Variants in SPAG9 observed in about 807,000 individuals in gnomAD.
SPAG9 encodes the protein sperm associated antigen 9, also known as C-Jun-amino-terminal kinase-interacting protein 4.
SPAG9 carries 35 observed loss-of-function variants against 166.5 expected under a neutral mutation model. The ratio of observed to expected loss-of-function variants is 0.21; its 90% CI spans 0.16 to 0.28. The LOEUF (loss-of-function observed/expected upper bound fraction) is 0.28. SPAG9 is among the 10% of genes least tolerant of loss of function. The probability of loss-of-function intolerance (pLI) is 1.00; values close to 1 mark genes in which losing one functional copy is unlikely to be tolerated. For synonymous variants in SPAG9, 534 were observed against 565.5 expected (o/e 0.94, Z 0.79); for missense variants, 1,235 against 1,603.3 (o/e 0.77, Z 3.92).
chr17:51,084,611 G>A (rs912719740), intron 1 of SPAG9, among the ~76,000 whole-genome samples: 4 of 152,110 alleles, frequency 2.6e-5, no homozygotes, highest in African/African-American at 9.7e-5. Flanking sequence ...GTTTCACCAT[G>A]TTGGCCAGGA....
intron 1 of SPAG9, among the ~76,000 whole-genome samples, chr17:51,082,848 G>C (rs1238965755): frequency 6.7e-6 from 1 of 149,722 alleles, no homozygotes; most frequent in Non-Finnish European, 1.5e-5. Flanking sequence ...ACGTTCCTTT[G>C]GGGAACTTTC....
At chr17:51,081,217 A>AG (rs1356244820) in intron 1 of SPAG9, among the ~76,000 whole-genome samples, 2 of 152,130 alleles carry the variant, frequency 1.3e-5, no homozygotes, top group African/African-American at 2.4e-5. Flanking sequence ...AATATATTCT[A>AG]GAGGATCTAG....
At chr17:51,018,710 C>A (rs1052231017) in intron 8 of SPAG9, among the ~76,000 whole-genome samples, 5 of 152,102 alleles carry the variant, frequency 3.3e-5, no homozygotes, top group Non-Finnish European at 7.3e-5. Flanking sequence ...GAGTAACAAG[C>A]CCCAGTCAGG....
intron 2 of SPAG9, among the ~76,000 whole-genome samples, chr17:51,056,987 C>G (rs1173369473): frequency 6.6e-6 from 1 of 151,608 alleles, no homozygotes; most frequent in Non-Finnish European, 1.5e-5. Flanking sequence ...GTAGTGCTCA[C>G]AGAGTACAAC....
At chr17:51,058,416 A>G (rs1442468340) in intron 2 of SPAG9, among the ~76,000 whole-genome samples, 1 of 152,208 alleles carries the variant, frequency 6.6e-6, no homozygotes, top group Non-Finnish European at 1.5e-5. Context: ...AATAGGAGCT[A>G]AGTAACTTGC....
intron 9 of SPAG9, among the ~76,000 whole-genome samples, chr17:51,010,979 T>C (rs1290722383): frequency 6.6e-6 from 1 of 152,056 alleles, no homozygotes; most frequent in Admixed American, 6.5e-5. Context: ...CGCTGATACC[T>C]GAAAGACGAG....
At chr17:51,104,837 G>T (rs2048899414) in intron 1 of SPAG9, among the ~76,000 whole-genome samples, 1 of 150,852 alleles carries the variant, frequency 6.6e-6, no homozygotes, top group Non-Finnish European at 1.5e-5. Context: ...GGAGGCTGAG[G>T]CAGGAGAATG....
chr17:51,092,593 T>C (rs1402628670), intron 1 of SPAG9, among the ~76,000 whole-genome samples: 1 of 151,670 alleles, frequency 6.6e-6, no homozygotes, highest in Non-Finnish European at 1.5e-5. Context: ...AATGATATAG[T>C]CTTTGGTCTG....
intron 18 of SPAG9, among the ~76,000 whole-genome samples, chr17:50,994,838 CAT>C (rs61467664): frequency 0.05 from 7,622 of 152,260 alleles, 553 homozygotes; most frequent in African/African-American, 0.16. Context: ...TACGTGTACA[CAT>C]GTGTCAAAAC....
Position 51,056,474 on chromosome 17 carries a change from G to C in SPAG9, c.433C>G (p.Leu145Val), listed in dbSNP as rs1279147070. Residue 145 changes from leucine (L) to valine (V), a missense_variant, in exon 3 of 30, where the codon CTT becomes GTT. Coordinates refer to ENST00000262013, the MANE Select transcript of SPAG9 (RefSeq NM_001130528.3). ...TTCAGTTCTGCTTCTCTTTCTTCAA[G>C]TCTGCTAACTGAAATTAAGATACAT... Reference protein sequence around the residue: ...AKNYADQISRLEEREAELKKE... With the variant: ...AKNYADQISRVEEREAELKKE... 1 of 1,596,904 alleles carries C rather than the reference G, an allele frequency of 6.3e-7. No individual in the cohort carries two copies. Among genetic ancestry groups the C allele is most frequent in the Non-Finnish European group, 8.6e-7 (1 of 1,165,140 alleles).
intron 1 of SPAG9, among the ~76,000 whole-genome samples, chr17:51,103,386 G>A (rs2048857697): frequency 6.6e-6 from 1 of 152,176 alleles, no homozygotes; most frequent in African/African-American, 2.4e-5. Flanking sequence ...AACCACAGTC[G>A]GGTGTTAAGG....
chr17:51,047,238 T>C (rs996772637), intron 4 of SPAG9, 137 bp downstream of exon 4: 29 of 582,918 alleles, frequency 5.0e-5, no homozygotes, highest in Non-Finnish European at 7.6e-5. Flanking sequence ...TATTCTCTCC[T>C]GCAGCATTCC....
Position 50,998,434 on chromosome 17 carries a change from A to G in SPAG9, c.1838+10T>C. The G allele has an allele frequency of 1.2e-6, 2 of 1,608,614 alleles. No homozygotes were observed. The highest frequency in any genetic ancestry group is 2.2e-5 in the South Asian group (2 of 90,456). The stretch of plus-strand genomic sequence containing the variant: ...TTTAGAATATAATGATTAATTTGGA[A>G]AAGACTTACTCTTCACTAAGGAAAT... On this transcript the variant is annotated intron_variant, in intron 15 of 29. Coordinates refer to ENST00000262013, the MANE Select transcript of SPAG9 (RefSeq NM_001130528.3).
At position 50,990,062 on chromosome 17, in the gene SPAG9, C is replaced by G. The variant is rs997937100; in HGVS notation, c.2618-190G>C. ...TTTTTTTTTGAGACAGAGTCTTGCT[C>G]TGTTGCCCAGGCTGGAGTGCGGCGG... On this transcript the variant is annotated intron_variant, in intron 20 of 29. Transcript: ENST00000262013. 20 of 614,296 alleles carry G rather than the reference C, an allele frequency of 3.3e-5. No individual in the cohort carries two copies. The South Asian group carries it at 3.6e-4, about 11-fold the overall frequency. 38.1% of individuals were successfully genotyped at this position (614,296 alleles called of 1,614,324 possible).
chr17:51,116,291 C>T (rs2049286059), intron 1 of SPAG9, among the ~76,000 whole-genome samples: 1 of 152,194 alleles, frequency 6.6e-6, no homozygotes, highest in African/African-American at 2.4e-5. Flanking sequence ...AGTGATCCAT[C>T]TGCCTCGGCC....
At chr17:51,081,171 CTAAT>C (rs2048152758) in intron 1 of SPAG9, among the ~76,000 whole-genome samples, 1 of 152,272 alleles carries the variant, frequency 6.6e-6, no homozygotes, top group South Asian at 2.1e-4. Flanking sequence ...TGAAAGTCTC[CTAAT>C]TAGTCTTCTT....
Position 51,120,330 on chromosome 17 carries a change from C to T in SPAG9, c.303+24G>A, listed in dbSNP as rs746948669. 7.9e-6 allele frequency: 12 copies of T among 1,522,262 alleles called. No homozygotes were observed. Among genetic ancestry groups the T allele is most frequent in the Non-Finnish European group, 9.7e-6 (11 of 1,135,896 alleles). 94.3% of individuals were successfully genotyped at this position (1,522,262 alleles called of 1,614,324 possible). A position where few individuals can be genotyped will look rare whatever the true frequency, so the allele number is the denominator to read the frequency against. On this transcript the variant is annotated intron_variant, in intron 1 of 29. Coordinates refer to ENST00000262013, the MANE Select transcript of SPAG9 (RefSeq NM_001130528.3). The surrounding 1 kb of genome is among the most constrained non-coding windows in gnomAD (Gnocchi z 4.7). ...CCGCCCCCGGAGACGGATCCCGCGG[C>T]CCCCGCCCTGCCGCCGGCCTCACCT...
chr17:50,972,359 A>G (rs1973887461), intron 28 of SPAG9, among the ~76,000 whole-genome samples: 1 of 152,262 alleles, frequency 6.6e-6, no homozygotes, highest in African/African-American at 2.4e-5. Context: ...AATTTATTTC[A>G]AATCTATGGC....
At chr17:51,070,348 A>T (rs1343083052) in intron 2 of SPAG9, among the ~76,000 whole-genome samples, 2 of 152,214 alleles carry the variant, frequency 1.3e-5, no homozygotes, top group Non-Finnish European at 2.9e-5. Context: ...AGTTATGACA[A>T]GCAAAATGGA....
Sources: gnomAD v4.1 joint callset for allele counts (sites outside exome capture counted in the v4.1 genomes callset) on GRCh38, gnomAD v4.1.1 for gene constraint, Gnocchi (gnomAD v3.1) non-coding constraint, MANE v1.5 for transcripts, NCBI Gene and HGNC (gene_info 2026-07-23, HGNC 2026-07-21) for gene names.